Variants in CLMP observed in about 807,000 individuals in gnomAD.
The protein encoded by CLMP is CXADR like cell adhesion molecule, also known as CXADR-like membrane protein.
CLMP carries 27 observed loss-of-function variants against 45.2 expected under a neutral mutation model. The ratio of observed to expected loss-of-function variants is 0.60; its 90% CI spans 0.44 to 0.82. CLMP has a LOEUF of 0.82. Ranked by LOEUF, CLMP falls within the 40% of genes least tolerant of loss-of-function variation. The pLI is 0.00. For synonymous variants in CLMP, 167 were observed against 171.4 expected, an observed-to-expected ratio of 0.97 and a Z score of 0.20; for missense variants, 403 against 448.4, an observed-to-expected ratio of 0.90 and a Z score of 0.91.
intron 1 of CLMP, among the ~76,000 whole-genome samples, chr11:123,125,805 C>G (rs1180125560): frequency 6.6e-6 from 1 of 151,560 alleles, no homozygotes; most frequent in African/African-American, 2.4e-5. Flanking sequence ...GGGGTTTCAC[C>G]GTGTTGGCCA....
At chr11:123,160,410 G>A (rs569762420) in intron 1 of CLMP, among the ~76,000 whole-genome samples, 44 of 150,350 alleles carry the variant, frequency 2.9e-4, no homozygotes, top group African/African-American at 9.1e-4. Context: ...AGCATGTTTT[G>A]CTGCATGTCT....
At chr11:123,104,358 G>C (rs1860504486) in intron 1 of CLMP, among the ~76,000 whole-genome samples, 1 of 151,210 alleles carries the variant, frequency 6.6e-6, no homozygotes, top group Non-Finnish European at 1.5e-5. Context: ...AGGATTACAG[G>C]CATGAGCCAC....
At chr11:123,192,739 C>A (rs528060670) in intron 1 of CLMP, among the ~76,000 whole-genome samples, 1 of 152,180 alleles carries the variant, frequency 6.6e-6, no homozygotes, top group African/African-American at 2.4e-5. Flanking sequence ...TCCCACAGTT[C>A]AGACGATGAA....
intron 1 of CLMP, among the ~76,000 whole-genome samples, chr11:123,152,566 A>AAAT (rs1565398346): frequency 9.0e-4 from 129 of 144,004 alleles, no homozygotes; most frequent in African/African-American, 3.4e-3. Flanking sequence ...AAATAAATAA[A>AAAT]AAATAAATAA....
chr11:123,118,937 CTT>C (rs1392487458), intron 1 of CLMP, among the ~76,000 whole-genome samples: 1 of 12,874 alleles, frequency 7.8e-5, no homozygotes, highest in African/African-American at 2.9e-4. Flanking sequence ...TCTTTTCTTT[CTT>C]TCTTTCTTTC....
chr11:123,118,967 T>C (rs140343701), intron 1 of CLMP, among the ~76,000 whole-genome samples: 154 of 44,482 alleles, frequency 3.5e-3, no homozygotes, highest in African/African-American at 5.8e-3. Flanking sequence ...CTTTCTTTCT[T>C]TCTTTCTTTC....
chr11:123,130,480 T>C (rs1377992404), intron 1 of CLMP, among the ~76,000 whole-genome samples: 1 of 152,198 alleles, frequency 6.6e-6, no homozygotes. Context: ...ATGGTCTGGA[T>C]GGTTTTTAAG....
chr11:123,142,558 G>A (rs1473273460), intron 1 of CLMP, among the ~76,000 whole-genome samples: 1 of 151,954 alleles, frequency 6.6e-6, no homozygotes, highest in Non-Finnish European at 1.5e-5. Flanking sequence ...GGGGAACTTA[G>A]GAGTTACAGT....
intron 1 of CLMP, among the ~76,000 whole-genome samples, chr11:123,177,925 C>T (rs1030284809): frequency 4.6e-5 from 7 of 152,116 alleles, no homozygotes; most frequent in South Asian, 2.1e-4. Context: ...TGCAGTGGCA[C>T]GATCTCGGCT....
At chr11:123,086,820 T>C (rs1865869900) in intron 2 of CLMP, among the ~76,000 whole-genome samples, 1 of 152,046 alleles carries the variant, frequency 6.6e-6, no homozygotes, top group East Asian at 1.9e-4. Context: ...GTTGAGGCTA[T>C]AGTGAGCCAA....
At chr11:123,102,801 C>T (rs1055836476) in intron 1 of CLMP, among the ~76,000 whole-genome samples, 1 of 149,844 alleles carries the variant, frequency 6.7e-6, no homozygotes, top group Non-Finnish European at 1.5e-5. Flanking sequence ...AAGTGATCCA[C>T]CCGCCTCAGC....
chr11:123,133,273 C>T lies in CLMP; in HGVS notation c.29-35321G>A, dbSNP rs557894497. Among the ~76,000 whole-genome samples the T allele has an allele frequency of 3.9e-5, 6 of 152,222 alleles. No homozygotes were observed. In the South Asian group the frequency reaches 1.2e-3, roughly 32 times the overall value. On this transcript the variant is annotated intron_variant, in intron 1 of 6. Transcript: ENST00000448775. ...CCTTGACCGGGCCCTAGTCAGGCTC[C>T]TCTGGGTCCTCCTTTTGACTAGGCC...
intron 2 of CLMP, among the ~76,000 whole-genome samples, chr11:123,090,644 C>A (rs1393460783): frequency 6.6e-6 from 1 of 152,116 alleles, no homozygotes; most frequent in East Asian, 1.9e-4. Flanking sequence ...TTAGCATTAT[C>A]ATTTTTATTA....
chr11:123,110,572 T>C (rs1307968345), intron 1 of CLMP, among the ~76,000 whole-genome samples: 1 of 151,428 alleles, frequency 6.6e-6, no homozygotes, highest in African/African-American at 2.4e-5. Flanking sequence ...CGAGCCAAGA[T>C]CACAACACGG....
At chr11:123,179,565 G>A (rs1422958412) in intron 1 of CLMP, among the ~76,000 whole-genome samples, 1 of 152,152 alleles carries the variant, frequency 6.6e-6, no homozygotes, top group Non-Finnish European at 1.5e-5. Context: ...GTGCTAGGAG[G>A]GGGTTTGGAA....
At chr11:123,118,942 TTTCTTTCTTTCTTTCTTTCTTTC>T (rs1341822541) in intron 1 of CLMP, among the ~76,000 whole-genome samples, 2 of 16,172 alleles carry the variant, frequency 1.2e-4, no homozygotes, top group East Asian at 2.1e-3. Context: ...TCTTTCTTTC[TTTCTTTCTTTCTTTCTTTCTTTC>T]TTTCTTTCTT....
intron 1 of CLMP, among the ~76,000 whole-genome samples, chr11:123,107,018 CAAAAAA>C (rs1244006146): frequency 2.4e-5 from 3 of 126,690 alleles, no homozygotes; most frequent in East Asian, 2.3e-4. Flanking sequence ...GACTCCGTCT[CAAAAAA>C]AAAAAAAAAT....
In CLMP at chr11:123,168,565, G is replaced by A. The variant is rs182834885; in HGVS notation, c.28+26348C>T. Among the ~76,000 whole-genome samples the A allele has an allele frequency of 3.3e-5, 5 of 152,204 alleles. No homozygotes were observed. In the East Asian group the frequency reaches 7.8e-4, roughly 24 times the overall value. Reference sequence around the variant, plus strand: ...TGCCTTGCAGTGTCCCCTGGGAGCCGGGTAGGACAGGGTCGGCTAACCCTG... The same window carrying A: ...TGCCTTGCAGTGTCCCCTGGGAGCCAGGTAGGACAGGGTCGGCTAACCCTG... On this transcript the variant is annotated intron_variant, in intron 1 of 6. Coordinates refer to ENST00000448775, the MANE Select transcript of CLMP (RefSeq NM_024769.5).
At chr11:123,090,756 G>A (rs1342917171) in intron 2 of CLMP, among the ~76,000 whole-genome samples, 7 of 152,138 alleles carry the variant, frequency 4.6e-5, no homozygotes. Context: ...GCTGGGTCCG[G>A]TTGCATTTTC....
Sources: allele counts gnomAD v4.1 joint callset (sites outside exome capture counted in the v4.1 genomes callset), GRCh38; gene constraint gnomAD v4.1.1; transcripts MANE v1.5; gene names NCBI Gene and HGNC (gene_info 2026-07-23, HGNC 2026-07-21).